NRG4: variants seen among roughly 807,000 people sequenced by gnomAD.
The protein encoded by NRG4 is neuregulin 4.
A neutral mutation model predicts 15.0 loss-of-function variants in NRG4; 10 were observed. That is an observed-to-expected ratio of 0.67 (90% CI 0.41 to 1.13). The LOEUF is 1.13. Ranked by LOEUF, NRG4 falls within the 50% of genes most tolerant of loss-of-function variation. The pLI, the probability that NRG4 is intolerant of heterozygous loss-of-function variation, is 0.00. For synonymous variants in NRG4, 41 were observed against 50.1 expected (o/e 0.82, Z 0.77); for missense variants, 139 against 140.2 (o/e 0.99, Z 0.04).
At chr15:76,043,727 GATGCA>G in intron 4 of NRG4, among the ~76,000 whole-genome samples, 1 of 152,298 alleles carries the variant, frequency 6.6e-6, no homozygotes, top group East Asian at 1.9e-4. Context: ...GCAATCTACA[GATGCA>G]ATGCAATCTC....
At chr15:75,994,508 T>C (rs933413207) in intron 3 of NRG4, among the ~76,000 whole-genome samples, 2 of 152,258 alleles carry the variant, frequency 1.3e-5, no homozygotes, top group Non-Finnish European at 2.9e-5. Context: ...TGTTTCTTCC[T>C]GCTTTTAGTC....
At chr15:76,014,194 GTTT>G (rs1645782159), upstream of NRG4, among the ~76,000 whole-genome samples, 1 of 151,996 alleles carries the variant, frequency 6.6e-6, no homozygotes, top group Non-Finnish European at 1.5e-5. Context: ...GGGGTTGTTG[GTTT>G]TTTTCTTGTA....
At chr15:75,996,318 T>G (rs1005227461) in intron 3 of NRG4, among the ~76,000 whole-genome samples, 3 of 152,174 alleles carry the variant, frequency 2.0e-5, no homozygotes, top group African/African-American at 7.2e-5. Flanking sequence ...GACCTCAGAT[T>G]GTGATAATAC....
chr15:75,947,180 G>T (rs2031581081), intron 5 of NRG4, among the ~76,000 whole-genome samples: 1 of 152,174 alleles, frequency 6.6e-6, no homozygotes, highest in African/African-American at 2.4e-5. Context: ...CTTGTCCTCA[G>T]ACTGGCCCAT....
At chr15:76,055,078 G>C (rs758923448) in intron 2 of NRG4, among the ~76,000 whole-genome samples, 5 of 152,134 alleles carry the variant, frequency 3.3e-5, no homozygotes, top group Non-Finnish European at 5.9e-5. Context: ...TCAGGAGTTG[G>C]AGACCAGCCT....
intron 3 of NRG4, chr15:75,969,252 T>C (rs1567082315): frequency 2.2e-6 from 1 of 455,228 alleles, no homozygotes; most frequent in Non-Finnish European, 4.4e-6. Flanking sequence ...GTATTAGAGC[T>C]GGGCAAAAGT....
chr15:75,979,666 A>G (rs571943932), intron 3 of NRG4, among the ~76,000 whole-genome samples: 1 of 152,268 alleles, frequency 6.6e-6, no homozygotes, highest in South Asian at 2.1e-4. Flanking sequence ...CAACTATGAT[A>G]CATTTTATTT....
intron 5 of NRG4, among the ~76,000 whole-genome samples, chr15:76,030,994 A>G (rs1596044262): frequency 6.6e-6 from 1 of 152,194 alleles, no homozygotes; most frequent in African/African-American, 2.4e-5. Context: ...AAAATTAGCA[A>G]ATCAAATCTA....
intron 3 of NRG4, among the ~76,000 whole-genome samples, chr15:76,007,607 T>C (rs2034654375): frequency 6.6e-6 from 1 of 152,004 alleles, no homozygotes; most frequent in Non-Finnish European, 1.5e-5. Flanking sequence ...TTTTTTGTAT[T>C]TTTAATAGAG....
downstream of NRG4, chr15:75,935,932 C>T (rs951394009): frequency 3.9e-5 from 6 of 152,074 alleles, no homozygotes; most frequent in South Asian, 4.2e-4. Flanking sequence ...GGACTACAGG[C>T]GCCCGCCACC....
intron 2 of NRG4, among the ~76,000 whole-genome samples, chr15:76,054,349 C>G (rs2036099623): frequency 6.6e-6 from 1 of 151,728 alleles, no homozygotes; most frequent in African/African-American, 2.4e-5. Context: ...CCTCAGCCTC[C>G]CAAAGTGCTA....
chr15:75,960,753 C>T (rs1407618688), intron 4 of NRG4, among the ~76,000 whole-genome samples: 1 of 152,102 alleles, frequency 6.6e-6, no homozygotes, highest in African/African-American at 2.4e-5. Context: ...GGTCACACTA[C>T]AGAAGAGTAT....
intron 3 of NRG4, among the ~76,000 whole-genome samples, chr15:75,971,961 T>C (rs1413919194): frequency 6.6e-6 from 1 of 152,214 alleles, no homozygotes; most frequent in African/African-American, 2.4e-5. Context: ...TCCACAATGG[T>C]TGAACTAATT....
chr15:76,004,187 T>C (rs1448973358), intron 3 of NRG4, among the ~76,000 whole-genome samples: 1 of 152,230 alleles, frequency 6.6e-6, no homozygotes, highest in African/African-American at 2.4e-5. Context: ...TGATTGAAGT[T>C]AAGCTGGTAT....
intron 4 of NRG4, among the ~76,000 whole-genome samples, chr15:76,049,044 A>G (rs1364726069): frequency 6.6e-6 from 1 of 150,490 alleles, no homozygotes; most frequent in Non-Finnish European, 1.5e-5. Context: ...ACTCCGTCAC[A>G]TAAAAGAAAA....
At chr15:76,021,763 C>T (rs1320061885) in intron 5 of NRG4, among the ~76,000 whole-genome samples, 1 of 152,106 alleles carries the variant, frequency 6.6e-6, no homozygotes, top group Non-Finnish European at 1.5e-5. Context: ...ATTTTTTGCA[C>T]CATGCAAATA....
chr15:75,973,503 T>C (rs1033520541), intron 3 of NRG4, among the ~76,000 whole-genome samples: 8 of 152,176 alleles, frequency 5.3e-5, no homozygotes, highest in Non-Finnish European at 1.2e-4. Flanking sequence ...GGCTGTGGGT[T>C]TGTCATAAAT....
intron 2 of NRG4, among the ~76,000 whole-genome samples, chr15:76,054,630 G>T (rs912609830): frequency 6.6e-6 from 1 of 152,096 alleles, no homozygotes; most frequent in African/African-American, 2.4e-5. Flanking sequence ...GGCCAGGCTG[G>T]TCTCAAACTC....
At chr15:75,967,650 C>T (rs548529887) in intron 3 of NRG4, among the ~76,000 whole-genome samples, 50 of 151,790 alleles carry the variant, frequency 3.3e-4, no homozygotes, top group South Asian at 2.1e-3. Context: ...TTAGTAGAGA[C>T]GGGGTTTCAC....
Sources: allele counts gnomAD v4.1 joint callset (sites outside exome capture counted in the v4.1 genomes callset), GRCh38; gene constraint gnomAD v4.1.1; transcripts MANE v1.5; gene names NCBI Gene and HGNC (gene_info 2026-07-23, HGNC 2026-07-21).